The following MICAL2 variants were observed in gnomAD, a reference collection of about 807,000 sequenced individuals.
MICAL2 encodes the protein microtubule associated monooxygenase, calponin and LIM domain containing 2.
In MICAL2, 77 loss-of-function variants were observed where a neutral mutation model predicts 127.3. That is an observed-to-expected ratio of 0.60 (90% CI 0.50 to 0.73). MICAL2 has a LOEUF of 0.73. MICAL2 is among the 30% of genes least tolerant of loss of function. The probability of loss-of-function intolerance (pLI) is 0.00; values close to 1 mark genes in which losing one functional copy is unlikely to be tolerated. For missense variants in MICAL2, 1,351 were observed against 1,434.4 expected (o/e 0.94, Z 0.94); for synonymous variants, 570 against 551.1 (o/e 1.03, Z -0.48).
At chr11:12,297,186 G>A (rs571332589), downstream of MICAL2, among the ~76,000 whole-genome samples, 9 of 152,240 alleles carry the variant, frequency 5.9e-5, no homozygotes, top group South Asian at 4.1e-4. Context: ...ATGAGAACTC[G>A]ATTTCTACAT....
At chr11:12,265,937 A>G (rs1329801479), downstream of MICAL2, among the ~76,000 whole-genome samples, 1 of 152,014 alleles carries the variant, frequency 6.6e-6, no homozygotes, top group Non-Finnish European at 1.5e-5. Context: ...CCAACACGAC[A>G]AAACCCTGTC....
At chr11:12,292,171 G>A, downstream of MICAL2, 2 of 1,614,026 alleles carry the variant, frequency 1.2e-6, no homozygotes, top group Non-Finnish European at 1.7e-6. Context: ...AAAGAACTAT[G>A]TCACCTCCTA....
At chr11:12,258,590 GA>G in intron 25 of MICAL2, 34 bp downstream of exon 25, 2 of 1,589,972 alleles carry the variant, frequency 1.3e-6, no homozygotes. Flanking sequence ...GTGAAACGGG[GA>G]AGGCCCCTTG....
chr11:12,335,292 A>G (rs1938727893), intron 32 of MICAL2, among the ~76,000 whole-genome samples: 1 of 150,984 alleles, frequency 6.6e-6, no homozygotes, highest in Non-Finnish European at 1.5e-5. Context: ...CCACTTTTTG[A>G]TGGGATTGTT....
At chr11:12,326,686 G>C (rs11022300) in intron 31 of MICAL2, among the ~76,000 whole-genome samples, 38,679 of 152,118 alleles carry the variant, frequency 0.25, 5,301 homozygotes, top group East Asian at 0.43. Context: ...ACGAAACCCC[G>C]GGATCTGGCC....
intron 2 of MICAL2, among the ~76,000 whole-genome samples, chr11:12,283,374 G>C (rs1863792236): frequency 6.7e-6 from 1 of 149,116 alleles, no homozygotes; most frequent in Non-Finnish European, 1.5e-5. Context: ...ACTCTACGTT[G>C]GTCCAGCCAT....
At chr11:12,152,134 A>AC (rs1476446718) in intron 2 of MICAL2, among the ~76,000 whole-genome samples, 2 of 65,240 alleles carry the variant, frequency 3.1e-5, no homozygotes, top group Non-Finnish European at 6.3e-5. Context: ...CTAAAAATAC[A>AC]AAAAAAAAAA....
intron 33 of MICAL2, chr11:12,349,988 G>T (rs1399863997): frequency 1.3e-6 from 2 of 1,512,550 alleles, no homozygotes; most frequent in East Asian, 2.3e-5. Flanking sequence ...AAGGGGCAAA[G>T]GGGGGTGGCT....
Position 12,227,094 on chromosome 11 carries a change from A to T in MICAL2, c.1958A>T (p.Tyr653Phe), listed in dbSNP as rs779833874. 1.2e-6 allele frequency: 2 copies of T among 1,613,882 alleles called. No homozygotes were observed. The highest frequency in any genetic ancestry group is 2.7e-5 in the African/African-American group (2 of 74,898). Residue 653 changes from tyrosine (Y) to phenylalanine (F), a missense_variant, in exon 15 of 28, where the codon TAT (tyrosine) becomes TTT (phenylalanine). Tyr to Phe is a conservative substitution (Grantham distance 22). Coordinates refer to ENST00000683283, the MANE Select transcript of MICAL2 (RefSeq NM_001282663.2). ...GCCAAATCATCCATTTCTAATAACT[A>T]TCTCAACCTCACATTTCCAAGGAAG... ...SLAKSSISNN[Y>F]LNLTFPRKRT...
chr11:12,148,380 G>T (rs954820289), intron 2 of MICAL2, among the ~76,000 whole-genome samples: 4 of 152,166 alleles, frequency 2.6e-5, no homozygotes, highest in Non-Finnish European at 5.9e-5. Context: ...CTGCATGATG[G>T]GTGGGAGCCC....
chr11:12,239,551 A>T lies in MICAL2; in HGVS notation c.2180A>T (p.Glu727Val), dbSNP rs1207401787. The T allele has an allele frequency of 6.2e-7, 1 of 1,614,256 alleles. No homozygotes were observed. Among genetic ancestry groups the T allele is most frequent in the South Asian group, 1.1e-5 (1 of 91,088 alleles). The stretch of plus-strand genomic sequence containing the variant: ...GCGAATCAGCTGCTGGCCAAGTTTG[A>T]GGAGAGCACTCGGAACCCCTCACTC... ...SMANQLLAKF[E>V]ESTRNPSLMK... is the part of the protein sequence containing the mutation. The change falls in exon 17 of 28, where the codon GAG (glutamate) becomes GTG (valine). Residue 727 changes from glutamate to valine, a missense_variant. Around this residue, in one of 2 missense-constraint regions of MICAL2, gnomAD observed 752 missense variants for 719.4 expected, o/e 1.05. Transcript: ENST00000683283.
intron 3 of MICAL2, among the ~76,000 whole-genome samples, chr11:12,199,653 G>T (rs1351597446): frequency 5.3e-5 from 8 of 152,186 alleles, no homozygotes; most frequent in Admixed American, 5.2e-4. Context: ...GTGTTTGCAG[G>T]TTCCCCTGGG....
At chr11:12,138,945 G>A (rs1419445141) in intron 2 of MICAL2, among the ~76,000 whole-genome samples, 1 of 152,200 alleles carries the variant, frequency 6.6e-6, no homozygotes, top group Non-Finnish European at 1.5e-5. Flanking sequence ...TAGACATGGA[G>A]GCTGGGGTCT....
rs1860335079 is a variant in MICAL2 at position 12,243,916 on chromosome 11, T to C, written c.2659-71T>C. 3 of 1,569,792 alleles carry C rather than the reference T, an allele frequency of 1.9e-6. No individual in the cohort carries two copies. The Admixed American group carries it at 5.0e-5, about 26-fold the overall frequency. Reference sequence around the variant, plus strand: ...TTGAGTGCACAGGCATGGGACTGCATGATTGAGGCATGTATCACCATGTGT... The same window carrying C: ...TTGAGTGCACAGGCATGGGACTGCACGATTGAGGCATGTATCACCATGTGT... On this transcript the variant is annotated intron_variant, in intron 20 of 27. Transcript: ENST00000683283.
chr11:12,292,013 C>A, downstream of MICAL2: 4 of 1,161,612 alleles, frequency 3.4e-6, no homozygotes, highest in South Asian at 6.0e-5. Flanking sequence ...GCACCAGGAA[C>A]CTCTGAGTCA....
At chr11:12,276,084 T>C (rs1006856198) in exon 1 of MICAL2, 19 of 399,088 alleles carry the variant, frequency 4.8e-5, no homozygotes, top group Non-Finnish European at 4.9e-5. Context: ...CGAGTGGACC[T>C]CAGTGAGGAT....
chr11:12,145,405 T>G (rs896851084), intron 2 of MICAL2, among the ~76,000 whole-genome samples: 14 of 152,124 alleles, frequency 9.2e-5, no homozygotes, highest in Admixed American at 8.5e-4. Context: ...ACGAGTCCTG[T>G]TTTCAGGGCT....
intron 6 of MICAL2, 124 bp from the exon 7 acceptor site, chr11:12,213,131 A>C: frequency 2.8e-5 from 32 of 1,144,022 alleles, no homozygotes; most frequent in Non-Finnish European, 3.2e-5. Flanking sequence ...CCTGTCCACT[A>C]GAGATCCAGA....
chr11:12,191,471 C>CAAAA (rs35378255), intron 3 of MICAL2, among the ~76,000 whole-genome samples: 2 of 133,540 alleles, frequency 1.5e-5, no homozygotes, highest in Non-Finnish European at 3.1e-5. Flanking sequence ...GACTATGTCT[C>CAAAA]AAAAAAAAAA....
Sources: gnomAD v4.1 joint callset for allele counts (sites outside exome capture counted in the v4.1 genomes callset) on GRCh38, gnomAD v4.1.1 for gene constraint, gnomAD v4.1.1 regional missense constraint, MANE v1.5 for transcripts, NCBI Gene and HGNC (gene_info 2026-07-23, HGNC 2026-07-21) for gene names.